CACNA1A: variants seen among roughly 807,000 people sequenced by gnomAD.
The protein encoded by CACNA1A is voltage-dependent P/Q-type calcium channel subunit alpha-1A.
CACNA1A carries 57 observed loss-of-function variants against 262.4 expected under a neutral mutation model. That is an observed-to-expected ratio of 0.22 (90% CI 0.18 to 0.27). The LOEUF is 0.27. Ranked by LOEUF, CACNA1A falls within the 10% of genes least tolerant of loss-of-function variation. CACNA1A has a pLI of 1.00. For synonymous variants in CACNA1A, 1,431 were observed against 1,419.3 expected, an observed-to-expected ratio of 1.01 and a Z score of -0.18; for missense variants, 2,526 against 3,562.8, an observed-to-expected ratio of 0.71 and a Z score of 7.41.
chr19:13,211,644 GCA>G (rs1454612968), intron 43 of CACNA1A: 3 of 190,634 alleles, frequency 1.6e-5, no homozygotes, highest in South Asian at 2.1e-4. Context: ...ATGCCCACGT[GCA>G]CACACGTGTG....
chr19:13,399,214 C>T (rs1344777154), intron 3 of CACNA1A, among the ~76,000 whole-genome samples: 1 of 152,030 alleles, frequency 6.6e-6, no homozygotes, highest in Non-Finnish European at 1.5e-5. Context: ...ATTATTATCA[C>T]CAGCCTGGAG....
chr19:13,402,811 T>TACATATATACACACATATATATAC (rs2059923597), intron 3 of CACNA1A, among the ~76,000 whole-genome samples: 2 of 131,464 alleles, frequency 1.5e-5, no homozygotes, highest in Non-Finnish European at 3.1e-5. Flanking sequence ...CATATATATA[T>TACATATATACACACATATATATAC]ACATATATAC....
intron 3 of CACNA1A, among the ~76,000 whole-genome samples, chr19:13,380,023 T>C (rs1188325203): frequency 3.6e-5 from 5 of 137,088 alleles, no homozygotes; most frequent in African/African-American, 5.5e-5. Context: ...CGGTGGCTCA[T>C]GCCTGTAATC....
intron 23 of CACNA1A, among the ~76,000 whole-genome samples, chr19:13,276,733 T>G (rs982304959): frequency 1.4e-5 from 2 of 145,962 alleles, no homozygotes; most frequent in Non-Finnish European, 3.0e-5. Context: ...AGTCTCGCTG[T>G]GTCACCCAGG....
At position 13,252,906 on chromosome 19, in the gene CACNA1A, A is replaced by G. The variant is rs2056440369; in HGVS notation, c.4866+85T>C. 5 of 853,736 alleles carry G rather than the reference A, an allele frequency of 5.9e-6. No individual in the cohort carries two copies. In the Admixed American group the frequency reaches 6.6e-5, roughly 11 times the overall value. The allele number at this position is 853,736 out of a possible 1,614,324, so 52.9% of individuals were successfully genotyped here. A position where few individuals can be genotyped will look rare whatever the true frequency, so the allele number is the denominator to read the frequency against. ...CCTTGAGGTTGGGGTTCTTGGGGCC[A>G]CGTTGGGAGACCATCATCCAGGACC... On this transcript the variant is annotated intron_variant, in intron 30 of 46. Transcript: ENST00000360228.
chr19:13,280,903 T>G (rs1250264705), intron 22 of CACNA1A, among the ~76,000 whole-genome samples: 3 of 133,126 alleles, frequency 2.3e-5, no homozygotes, highest in Non-Finnish European at 4.6e-5. Flanking sequence ...ATTGCACCAC[T>G]GCACTCCAGC....
At chr19:13,415,972 C>A (rs2060214494) in intron 3 of CACNA1A, among the ~76,000 whole-genome samples, 1 of 152,088 alleles carries the variant, frequency 6.6e-6, no homozygotes. Context: ...GAGCGGTCCT[C>A]TCTGATGAAG....
intron 19 of CACNA1A, among the ~76,000 whole-genome samples, chr19:13,290,133 A>G (rs1049544759): frequency 6.1e-5 from 9 of 146,704 alleles, no homozygotes; most frequent in Non-Finnish European, 1.2e-4. Flanking sequence ...TAGAGACAGG[A>G]TTTTGCCATG....
intron 6 of CACNA1A, among the ~76,000 whole-genome samples, chr19:13,355,610 A>C (rs1168150419): frequency 5.9e-5 from 9 of 152,104 alleles, no homozygotes; most frequent in Admixed American, 5.9e-4. Flanking sequence ...TTATCCACTG[A>C]CTTCTCCAGG....
rs187259531 is a variant in CACNA1A at position 13,332,899 on chromosome 19, T to G, written c.1225A>C (p.Thr409Pro). 25 of 1,612,972 alleles carry G rather than the reference T, an allele frequency of 1.5e-5. No individual in the cohort carries two copies. The Admixed American group carries it at 3.2e-4, about 20-fold the overall frequency. The change falls in exon 9 of 47, where the codon ACT (threonine) becomes CCT (proline). Residue 409 changes from threonine to proline, a missense_variant. Thr to Pro is a conservative substitution (Grantham distance 38). Transcript: ENST00000360228. Reference sequence around the variant, plus strand: ...AAGGGATGCCTCTGCTCCCCGTCAGTTTCATCCTCGGCGAGGATCACCTCT... The same window carrying G: ...AAGGGATGCCTCTGCTCCCCGTCAGGTTCATCCTCGGCGAGGATCACCTCT... ...AEEVILAEDETDGEQRHPFDA... is the reference protein window; with the variant it reads ...AEEVILAEDEPDGEQRHPFDA...
intron 10 of CACNA1A, among the ~76,000 whole-genome samples, chr19:13,327,806 T>G (rs140073043): frequency 3.7e-4 from 57 of 152,154 alleles, no homozygotes; most frequent in Middle Eastern, 3.4e-3. Flanking sequence ...CTCCTGACCT[T>G]AAGCGATCTA....
intron 38 of CACNA1A, among the ~76,000 whole-genome samples, chr19:13,219,961 A>AG (rs2055162562): frequency 1.1e-5 from 1 of 91,044 alleles, no homozygotes; most frequent in Non-Finnish European, 2.2e-5. Context: ...AAAAAAAAAA[A>AG]AAAAAGAAAG....
intron 26 of CACNA1A, chr19:13,260,274 T>C (rs1208875840): frequency 6.7e-6 from 1 of 150,146 alleles, no homozygotes; most frequent in Non-Finnish European, 1.5e-5. Flanking sequence ...CACACACACA[T>C]ATAATACATA....
chr19:13,239,106 TC>T (rs61469321), intron 31 of CACNA1A, among the ~76,000 whole-genome samples: 32,771 of 152,126 alleles, frequency 0.22, 3,925 homozygotes, highest in Non-Finnish European at 0.26. Context: ...ACATGACCAG[TC>T]GCGCCTCCCC....
chr19:13,503,949 C>A (rs1982704990), intron 1 of CACNA1A, among the ~76,000 whole-genome samples: 1 of 152,100 alleles, frequency 6.6e-6, no homozygotes, highest in South Asian at 2.1e-4. Context: ...CCCCTCTCCC[C>A]CAACAGCCCT....
intron 3 of CACNA1A, among the ~76,000 whole-genome samples, chr19:13,439,223 C>A (rs913078307): frequency 3.3e-5 from 5 of 151,006 alleles, no homozygotes; most frequent in African/African-American, 1.2e-4. Flanking sequence ...ATTCTCCTTC[C>A]TCAGCCTCCC....
intron 3 of CACNA1A, among the ~76,000 whole-genome samples, chr19:13,398,257 C>CGT (rs1247357259): frequency 6.7e-6 from 1 of 150,292 alleles, no homozygotes; most frequent in Non-Finnish European, 1.5e-5. Flanking sequence ...AGCAAAACTC[C>CGT]GTCGCAAAAG....
intron 34 of CACNA1A, among the ~76,000 whole-genome samples, chr19:13,233,481 T>G (rs2055745302): frequency 6.6e-6 from 1 of 152,144 alleles, no homozygotes; most frequent in South Asian, 2.1e-4. Context: ...TTTTTAAAAA[T>G]TAAAAAAATA....
At chr19:13,371,649 C>T (rs1231405051) in intron 4 of CACNA1A, 39 bp downstream of exon 4, 6 of 1,477,168 alleles carry the variant, frequency 4.1e-6, no homozygotes, top group East Asian at 2.5e-5. Context: ...TCCTGGGGCC[C>T]GTGAGCAAAC....
Sources: allele counts gnomAD v4.1 joint callset (sites outside exome capture counted in the v4.1 genomes callset), GRCh38; gene constraint gnomAD v4.1.1; transcripts MANE v1.5; gene names NCBI Gene and HGNC (gene_info 2026-07-23, HGNC 2026-07-21).